Variants in TPRG1 observed in about 807,000 individuals in gnomAD.
TPRG1 encodes the protein tumor protein p63 regulated 1, also known as tumor protein p63-regulated gene 1 protein.
Under a neutral mutation model 29.3 loss-of-function variants are expected in TPRG1, and 29 were observed. The observed-to-expected ratio is 0.99, with a 90% CI of 0.74 to 1.35. The LOEUF (loss-of-function observed/expected upper bound fraction) is 1.35, where lower values mean the gene tolerates loss of function less well. Among genes scored for constraint, TPRG1 ranks in the 40% most tolerant of loss-of-function variants. TPRG1 has a pLI of 0.00. For missense variants in TPRG1, 327 were observed against 335.0 expected, an observed-to-expected ratio of 0.98 and a Z score of 0.19; for synonymous variants, 130 against 116.8, an observed-to-expected ratio of 1.11 and a Z score of -0.73.
At chr3:189,080,313 G>A (rs1717504154) in intron 4 of TPRG1, among the ~76,000 whole-genome samples, 1 of 152,144 alleles carries the variant, frequency 6.6e-6, no homozygotes, top group African/African-American at 2.4e-5. Flanking sequence ...CTCCTCAACT[G>A]GAGGGACTGG....
chr3:189,170,884 A>G (rs1728736532), upstream of TPRG1, among the ~76,000 whole-genome samples: 1 of 152,242 alleles, frequency 6.6e-6, no homozygotes, highest in Non-Finnish European at 1.5e-5. Context: ...AATGGAATTC[A>G]ACCAATTTAC....
chr3:189,258,750 C>T (rs539641371), intron 4 of TPRG1, among the ~76,000 whole-genome samples: 10 of 152,248 alleles, frequency 6.6e-5, no homozygotes, highest in South Asian at 4.1e-4. Flanking sequence ...AGTTTTGCGG[C>T]GCTGCAGTGG....
At chr3:189,285,080 A>G (rs1717825743) in intron 4 of TPRG1, among the ~76,000 whole-genome samples, 1 of 152,214 alleles carries the variant, frequency 6.6e-6, no homozygotes, top group African/African-American at 2.4e-5. Context: ...AATGAACTCA[A>G]ACAAATTTAC....
At chr3:189,165,525 C>T (rs997301999) in intron 5 of TPRG1, among the ~76,000 whole-genome samples, 1 of 151,810 alleles carries the variant, frequency 6.6e-6, no homozygotes, top group Admixed American at 6.6e-5. Flanking sequence ...AATCAAGGGG[C>T]CTGGGCATGT....
At chr3:189,144,883 T>C (rs1350515038) in intron 3 of TPRG1, among the ~76,000 whole-genome samples, 1 of 152,178 alleles carries the variant, frequency 6.6e-6, no homozygotes, top group Non-Finnish European at 1.5e-5. Context: ...GCAGGTGAAA[T>C]ATAGGCAGGG....
chr3:189,283,083 C>A (rs890698638), intron 4 of TPRG1, among the ~76,000 whole-genome samples: 1 of 152,098 alleles, frequency 6.6e-6, no homozygotes, highest in Admixed American at 6.6e-5. Context: ...TTAAATCAAC[C>A]CACTCTCAAG....
At chr3:189,292,505 T>C (rs1036711383) in intron 4 of TPRG1, among the ~76,000 whole-genome samples, 1 of 152,078 alleles carries the variant, frequency 6.6e-6, no homozygotes, top group African/African-American at 2.4e-5. Flanking sequence ...ATAATAATAA[T>C]AACACACAGC....
chr3:189,161,805 C>T (rs998803301), intron 5 of TPRG1, among the ~76,000 whole-genome samples: 1 of 152,196 alleles, frequency 6.6e-6, no homozygotes, highest in Non-Finnish European at 1.5e-5. Context: ...GCAGATACTG[C>T]ACGTGCTGTG....
At chr3:189,053,330 A>G (rs1460881269) in intron 4 of TPRG1, among the ~76,000 whole-genome samples, 1 of 152,192 alleles carries the variant, frequency 6.6e-6, no homozygotes, top group Non-Finnish European at 1.5e-5. Flanking sequence ...CATAGAACTG[A>G]TGTTTATGGT....
At chr3:189,168,961 G>C (rs1475800872), upstream of TPRG1, among the ~76,000 whole-genome samples, 1 of 152,202 alleles carries the variant, frequency 6.6e-6, no homozygotes, top group Non-Finnish European at 1.5e-5. Flanking sequence ...GCCCCAGGCA[G>C]TGTGTAAGAG....
chr3:189,173,137 G>A lies in TPRG1; in HGVS notation c.-10+1006G>A, dbSNP rs554542674. Among the ~76,000 whole-genome samples, 8 of 151,878 alleles carry A rather than the reference G, an allele frequency of 5.3e-5. No individual in the cohort carries two copies. The South Asian group carries it at 1.7e-3, about 32-fold the overall frequency. ...TTTTAGCTATCATTTTTCTTTTCAT[G>A]CTCAAAAGGTTATATCATTCTTAGT... On this transcript the variant is annotated intron_variant, in intron 1 of 5. Coordinates refer to ENST00000345063, the MANE Select transcript of TPRG1 (RefSeq NM_198485.4).
intron 1 of TPRG1, among the ~76,000 whole-genome samples, chr3:189,100,363 G>A (rs1378126862): frequency 6.6e-6 from 1 of 152,110 alleles, no homozygotes. Flanking sequence ...AGGTATCTTT[G>A]GGGAAAATGA....
chr3:189,234,812 G>T (rs115481139), intron 3 of TPRG1, among the ~76,000 whole-genome samples: 6 of 152,156 alleles, frequency 3.9e-5, no homozygotes, highest in African/African-American at 1.4e-4. Flanking sequence ...CTATACAATA[G>T]CATCCAAGGT....
intron 3 of TPRG1, among the ~76,000 whole-genome samples, chr3:189,228,151 A>T (rs976558559): frequency 2.6e-5 from 4 of 152,194 alleles, no homozygotes; most frequent in African/African-American, 9.7e-5. Flanking sequence ...CAACGACGAC[A>T]ACAACAATTC....
At chr3:189,145,876 A>G (rs539400937) in intron 3 of TPRG1, among the ~76,000 whole-genome samples, 1 of 152,296 alleles carries the variant, frequency 6.6e-6, no homozygotes, top group Admixed American at 6.5e-5. Flanking sequence ...ATGATGACTT[A>G]ATTATCTGTG....
intron 1 of TPRG1, among the ~76,000 whole-genome samples, chr3:189,182,253 A>G (rs1578700389): frequency 6.6e-6 from 1 of 152,208 alleles, no homozygotes; most frequent in African/African-American, 2.4e-5. Flanking sequence ...AAAATTTTGT[A>G]TCATTATTCT....
At chr3:189,223,043 C>T (rs1172358286) in intron 3 of TPRG1, among the ~76,000 whole-genome samples, 4 of 152,160 alleles carry the variant, frequency 2.6e-5, no homozygotes, top group South Asian at 2.1e-4. Flanking sequence ...GTTCATTGTG[C>T]ACTTTGTGAA....
chr3:189,063,826 C>T (rs531349490), intron 4 of TPRG1, among the ~76,000 whole-genome samples: 1 of 152,074 alleles, frequency 6.6e-6, no homozygotes, highest in Non-Finnish European at 1.5e-5. Flanking sequence ...TGGAGGTCCC[C>T]AAGACCACTC....
intron 3 of TPRG1, among the ~76,000 whole-genome samples, chr3:189,023,462 A>G (rs1225441133): frequency 3.3e-5 from 5 of 152,130 alleles, no homozygotes; most frequent in Admixed American, 2.6e-4. Flanking sequence ...AACTTAGCGA[A>G]GTTTGTTTTT....
Sources: allele counts gnomAD v4.1 joint callset (sites outside exome capture counted in the v4.1 genomes callset), GRCh38; gene constraint gnomAD v4.1.1; transcripts MANE v1.5; gene names NCBI Gene and HGNC (gene_info 2026-07-23, HGNC 2026-07-21).